ATP6V1C2: variants seen among roughly 807,000 people sequenced by gnomAD.
ATP6V1C2 encodes V-type proton ATPase subunit C 2.
In ATP6V1C2, 45 loss-of-function variants were observed where a neutral mutation model predicts 56.8. The ratio of observed to expected loss-of-function variants is 0.79; its 90% CI spans 0.62 to 1.02. ATP6V1C2 has a LOEUF of 1.02. Among genes scored for constraint, ATP6V1C2 ranks in the 50% least tolerant of loss-of-function variants. ATP6V1C2 has a pLI of 0.00. For missense variants in ATP6V1C2, 463 were observed against 519.7 expected (o/e 0.89, Z 1.06); for synonymous variants, 220 against 201.3 (o/e 1.09, Z -0.79).
intron 4 of ATP6V1C2, among the ~76,000 whole-genome samples, chr2:10,758,678 T>G (rs1159623154): frequency 6.6e-6 from 1 of 152,132 alleles, no homozygotes; most frequent in Admixed American, 6.5e-5. Context: ...TTCTTTTTCT[T>G]TTTGAGACGG....
chr2:10,772,396 A>C, intron 7 of ATP6V1C2, 146 bp from the exon 8 acceptor site: 2 of 731,736 alleles, frequency 2.7e-6, no homozygotes, highest in African/African-American at 1.7e-5. Context: ...GGAACAGCAG[A>C]CCTCAGGGGA....
At chr2:10,756,488 G>C (rs1456447763) in intron 4 of ATP6V1C2, among the ~76,000 whole-genome samples, 1 of 152,142 alleles carries the variant, frequency 6.6e-6, no homozygotes, top group Admixed American at 6.5e-5. Flanking sequence ...GGGAGGCTGA[G>C]GCAGATGGAT....
At chr2:10,771,068 A>G (rs1352928604) in intron 6 of ATP6V1C2, among the ~76,000 whole-genome samples, 1 of 152,218 alleles carries the variant, frequency 6.6e-6, no homozygotes. Context: ...GGCTTTATCC[A>G]TGGCCACGCA....
At chr2:10,721,472 C>G (rs1558378925), upstream of ATP6V1C2, among the ~76,000 whole-genome samples, 1 of 152,136 alleles carries the variant, frequency 6.6e-6, no homozygotes. Flanking sequence ...CTGCGCGTCT[C>G]CTCCGCGCCT....
intron 8 of ATP6V1C2, among the ~76,000 whole-genome samples, chr2:10,773,115 C>T (rs868376715): frequency 2.6e-5 from 4 of 152,088 alleles, no homozygotes; most frequent in African/African-American, 9.7e-5. Flanking sequence ...CACTGCATGG[C>T]GGGGGAACCA....
At chr2:10,753,328 T>G (rs1462775355) in intron 3 of ATP6V1C2, among the ~76,000 whole-genome samples, 1 of 152,232 alleles carries the variant, frequency 6.6e-6, no homozygotes, top group Non-Finnish European at 1.5e-5. Flanking sequence ...TTATATTCAA[T>G]GGCTCTCTAA....
chr2:10,752,069 A>G (rs767158129), intron 3 of ATP6V1C2, among the ~76,000 whole-genome samples: 4 of 152,100 alleles, frequency 2.6e-5, no homozygotes, highest in Non-Finnish European at 5.9e-5. Context: ...GCCTCAAAAA[A>G]AAAACAACAA....
intron 3 of ATP6V1C2, among the ~76,000 whole-genome samples, chr2:10,741,099 G>T (rs757007230): frequency 2.0e-5 from 3 of 152,094 alleles, no homozygotes; most frequent in Non-Finnish European, 2.9e-5. Flanking sequence ...GAGTAACTTT[G>T]CTGGGTGGCT....
chr2:10,724,673 A>G (rs1269557110), intron 2 of ATP6V1C2, among the ~76,000 whole-genome samples: 1 of 98,220 alleles, frequency 1.0e-5, no homozygotes, highest in Non-Finnish European at 1.9e-5. Context: ...TTTCCTAATT[A>G]CTTTTTTTTT....
chr2:10,768,723 T>C lies in ATP6V1C2; in HGVS notation c.383T>C (p.Leu128Pro). The C allele has an allele frequency of 6.2e-7, 1 of 1,614,020 alleles. No individual in the cohort carries two copies. Among genetic ancestry groups the C allele is most frequent in the Non-Finnish European group, 8.5e-7 (1 of 1,179,996 alleles). ...GCTTTTGCTTTCCCAAAACAGCAAC[T>C]GGCGCAGATCGAGATGGACCTGAAG... ...VSVVDTIAKQ[L>P]AQIEMDLKSR... Residue 128 changes from leucine (L) to proline (P), a missense_variant, in exon 6 of 14, where the codon CTG becomes CCG. By Grantham distance (98) the Leu-to-Pro change is moderately conservative. Coordinates refer to ENST00000272238, the MANE Select transcript of ATP6V1C2 (RefSeq NM_001039362.2).
At chr2:10,769,653 G>A (rs1664459367) in intron 6 of ATP6V1C2, among the ~76,000 whole-genome samples, 1 of 151,990 alleles carries the variant, frequency 6.6e-6, no homozygotes, top group African/African-American at 2.4e-5. Flanking sequence ...GCAGTGAGCT[G>A]AGATCGCCAC....
chr2:10,767,053 G>A (rs1232262611), intron 5 of ATP6V1C2, among the ~76,000 whole-genome samples: 1 of 150,734 alleles, frequency 6.6e-6, no homozygotes, highest in Non-Finnish European at 1.5e-5. Flanking sequence ...ATAAAAAGAT[G>A]CATTTTATTA....
chr2:10,731,398 G>A (rs1456687934), intron 3 of ATP6V1C2, among the ~76,000 whole-genome samples: 1 of 152,176 alleles, frequency 6.6e-6, no homozygotes, highest in African/African-American at 2.4e-5. Flanking sequence ...TAATATCCAA[G>A]AAAAAGTGAC....
intron 4 of ATP6V1C2, among the ~76,000 whole-genome samples, chr2:10,755,040 G>A (rs909101106): frequency 6.6e-6 from 1 of 151,184 alleles, no homozygotes; most frequent in African/African-American, 2.4e-5. Context: ...TTTTTGAGAC[G>A]GAGTTTTTCT....
chr2:10,782,568 C>CA (rs1172409572), intron 13 of ATP6V1C2, among the ~76,000 whole-genome samples, 193 bp downstream of exon 13: 2 of 152,016 alleles, frequency 1.3e-5, no homozygotes, highest in Non-Finnish European at 2.9e-5. Context: ...CATAGTGGCT[C>CA]ACGCCTGTAA....
intron 4 of ATP6V1C2, among the ~76,000 whole-genome samples, chr2:10,756,674 C>T (rs1284755709): frequency 1.3e-5 from 2 of 152,060 alleles, no homozygotes; most frequent in Non-Finnish European, 2.9e-5. Context: ...GCCGAGATCG[C>T]ACATTGTACT....
chr2:10,726,551 T>C lies in ATP6V1C2; in HGVS notation c.179T>C (p.Leu60Pro). ...LVGLSDELGK[L>P]DTFAESLIRR... ...GGCCTCTCTGATGAGTTGGGGAAAC[T>C]CGACACCTTTGCTGAAAGGTAAAAT... is the stretch of plus-strand genomic sequence containing the variant. Residue 60 changes from leucine to proline, a missense_variant, in exon 3 of 14, where the codon CTC becomes CCC. Physicochemically the swap from Leu to Pro is moderately conservative, Grantham distance 98. Transcript: ENST00000272238. The C allele has an allele frequency of 6.2e-7, 1 of 1,613,864 alleles. No individual in the cohort carries two copies.
chr2:10,782,243 G>A lies in ATP6V1C2; in HGVS notation c.1062G>A (p.Arg354=). The A allele has an allele frequency of 6.2e-7, 1 of 1,614,096 alleles. No homozygotes were observed. The highest frequency in any genetic ancestry group is 1.3e-5 in the African/African-American group (1 of 75,028). ...ALRVFVESVL[R]YGLPVNFQAV... ...TGACACATTTTGTCTATCTGAAAAG[G>A]TATGGACTACCAGTGAACTTCCAGG... The change falls in exon 13 of 14, where the codon AGG becomes AGA. Residue 354 remains arginine (R), a splice_region_variant and synonymous_variant. Coordinates refer to ENST00000272238, the MANE Select transcript of ATP6V1C2 (RefSeq NM_001039362.2).
chr2:10,736,901 C>T lies in ATP6V1C2; in HGVS notation c.197+10332C>T, dbSNP rs377305881. 1.1e-4 allele frequency among the ~76,000 whole-genome samples: 16 copies of T among 150,016 alleles called. No individual in the cohort carries two copies. In the South Asian group the frequency reaches 2.3e-3, roughly 22 times the overall value. ...AGCTGGGATTACAGGTGAACACCAC[C>T]ATGCACAACTAATAGTTTATATTTT... On this transcript the variant is annotated intron_variant, in intron 3 of 13. Coordinates refer to ENST00000272238, the MANE Select transcript of ATP6V1C2 (RefSeq NM_001039362.2).
Sources: gnomAD v4.1 joint callset for allele counts (sites outside exome capture counted in the v4.1 genomes callset) on GRCh38, gnomAD v4.1.1 for gene constraint, MANE v1.5 for transcripts, NCBI Gene and HGNC (gene_info 2026-07-23, HGNC 2026-07-21) for gene names.